Variants in NEK11 observed in about 807,000 individuals in gnomAD.
NEK11 encodes NIMA related kinase 11, also known as serine/threonine-protein kinase Nek11.
NEK11 carries 72 observed loss-of-function variants against 80.7 expected under a neutral mutation model. The observed-to-expected ratio is 0.89, with a 90% CI of 0.74 to 1.08. The LOEUF (loss-of-function observed/expected upper bound fraction) is 1.08, where lower values mean the gene tolerates loss of function less well. NEK11 is among the 50% of genes least tolerant of loss of function. NEK11 has a pLI of 0.00. For missense variants in NEK11, 764 were observed against 763.6 expected, an observed-to-expected ratio of 1.00 and a Z score of -0.01; for synonymous variants, 251 against 260.7, an observed-to-expected ratio of 0.96 and a Z score of 0.36.
chr3:131,287,591 G>A (rs1239975904), intron 17 of NEK11, among the ~76,000 whole-genome samples: 1 of 152,068 alleles, frequency 6.6e-6, no homozygotes, highest in Non-Finnish European at 1.5e-5. Context: ...TTTGTTTCAA[G>A]CCTACTTGTA....
intron 16 of NEK11, among the ~76,000 whole-genome samples, chr3:131,245,801 G>GT (rs2095593473): frequency 6.6e-6 from 1 of 151,712 alleles, no homozygotes; most frequent in African/African-American, 2.4e-5. Flanking sequence ...GTTAGTTGGG[G>GT]TTTTTTTGTT....
intron 17 of NEK11, among the ~76,000 whole-genome samples, chr3:131,293,731 T>A (rs1662757902): frequency 6.6e-6 from 1 of 152,134 alleles, no homozygotes; most frequent in South Asian, 2.1e-4. Context: ...GGCCTGGTGC[T>A]TTCTGATGTG....
chr3:131,085,257 T>C (rs2075821889), intron 4 of NEK11, among the ~76,000 whole-genome samples: 1 of 152,234 alleles, frequency 6.6e-6, no homozygotes, highest in African/African-American at 2.4e-5. Context: ...TATGAATACG[T>C]TGGCAATCTG....
chr3:131,176,121 G>A (rs2093000338), intron 14 of NEK11, among the ~76,000 whole-genome samples: 2 of 152,122 alleles, frequency 1.3e-5, no homozygotes, highest in African/African-American at 2.4e-5. Context: ...GGGTGGAGGT[G>A]CACACATCTG....
At chr3:131,090,510 T>C (rs542084341) in intron 4 of NEK11, among the ~76,000 whole-genome samples, 63 of 152,348 alleles carry the variant, frequency 4.1e-4, no homozygotes, top group African/African-American at 1.5e-3. Flanking sequence ...AAGGACAAAG[T>C]TAAGAAAACA....
intron 17 of NEK11, among the ~76,000 whole-genome samples, chr3:131,311,586 A>G (rs2109424185): frequency 6.6e-6 from 1 of 152,348 alleles, no homozygotes; most frequent in Non-Finnish European, 1.5e-5. Flanking sequence ...TAAATGCAAC[A>G]AAGCAAATAG....
chr3:131,097,945 G>T (rs1277864503), intron 4 of NEK11, among the ~76,000 whole-genome samples: 1 of 144,600 alleles, frequency 6.9e-6, no homozygotes, highest in African/African-American at 2.5e-5. Context: ...CATGGTACTG[G>T]TACCAAAACA....
chr3:131,336,349 G>C (rs948440823), intron 17 of NEK11, among the ~76,000 whole-genome samples: 10 of 152,186 alleles, frequency 6.6e-5, no homozygotes, highest in Non-Finnish European at 4.4e-5. Flanking sequence ...ACAAACCTGA[G>C]AAAAACAAGC....
intron 16 of NEK11, among the ~76,000 whole-genome samples, chr3:131,272,960 TCTG>T (rs1423032941): frequency 6.6e-6 from 1 of 152,242 alleles, no homozygotes; most frequent in Non-Finnish European, 1.5e-5. Flanking sequence ...ACTTTGGCCT[TCTG>T]CTCCATTCTG....
In NEK11 at chr3:131,134,112, C is replaced by G. The variant is rs1344801040; in HGVS notation, c.647+156C>G. 19 of 592,240 alleles carry G rather than the reference C, an allele frequency of 3.2e-5. No homozygotes were observed. The East Asian group carries it at 6.0e-4, about 19-fold the overall frequency. The allele number at this position is 592,240 out of a possible 1,614,324, so 36.7% of individuals were successfully genotyped here. A position where few individuals can be genotyped will look rare whatever the true frequency, so the allele number is the denominator to read the frequency against. On this transcript the variant is annotated intron_variant, in intron 7 of 17. Transcript: ENST00000383366. ...AAAAGAAGGTCTTTTGCATTTAGAA[C>G]TCAATATATTTCATTAAACTAGTTT...
At chr3:131,203,708 A>C (rs1256050759) in intron 14 of NEK11, among the ~76,000 whole-genome samples, 2 of 145,606 alleles carry the variant, frequency 1.4e-5, no homozygotes, top group African/African-American at 5.0e-5. Context: ...GTATATATGT[A>C]TATATGTATA....
chr3:131,036,520 G>A (rs1207626964), intron 3 of NEK11, among the ~76,000 whole-genome samples: 3 of 152,204 alleles, frequency 2.0e-5, no homozygotes, highest in Non-Finnish European at 4.4e-5. Context: ...AATTTTAGCT[G>A]CAATAACTTG....
rs575033422 is a variant in NEK11, at chr3:131,190,845, A to T, written c.1399+19958A>T. Among the ~76,000 whole-genome samples the T allele has an allele frequency of 1.7e-4, 26 of 152,298 alleles. No individual in the cohort carries two copies. The East Asian group carries it at 4.8e-3, about 28-fold the overall frequency. The stretch of plus-strand genomic sequence containing the variant: ...AGAACAAAATATAATTATTGTAAAT[A>T]TTACAACATTTAACAACATAAAAAT... On this transcript the variant is annotated intron_variant, in intron 14 of 17. Coordinates refer to ENST00000383366, the MANE Select transcript of NEK11 (RefSeq NM_024800.5).
chr3:131,069,787 T>G (rs2148904810), intron 3 of NEK11, among the ~76,000 whole-genome samples: 1 of 140,106 alleles, frequency 7.1e-6, no homozygotes, highest in South Asian at 2.3e-4. Flanking sequence ...TGAGATCACA[T>G]GGACACAGGA....
chr3:131,215,215 T>G (rs954670891), intron 14 of NEK11, among the ~76,000 whole-genome samples: 1 of 137,984 alleles, frequency 7.2e-6, no homozygotes, highest in Non-Finnish European at 1.5e-5. Flanking sequence ...TAGGTGGGAA[T>G]TGAACAATGA....
chr3:131,051,040 A>C (rs766882239), intron 3 of NEK11, among the ~76,000 whole-genome samples: 2 of 152,340 alleles, frequency 1.3e-5, no homozygotes, highest in East Asian at 1.9e-4. Context: ...CTCCAAAAAA[A>C]ATTAGTATAA....
intron 4 of NEK11, among the ~76,000 whole-genome samples, chr3:131,092,234 T>G (rs1466157389): frequency 6.6e-6 from 1 of 152,244 alleles, no homozygotes; most frequent in Non-Finnish European, 1.5e-5. Flanking sequence ...GAATGATTCC[T>G]TATGTTCTCT....
At position 131,054,755 on chromosome 3, in the gene NEK11, A is replaced by AATAC. The variant is rs1235929801; in HGVS notation, c.170+24880_170+24881insCATA. The stretch of plus-strand genomic sequence containing the variant: ...CTGGGTGACAGCCTGCCTCTAAATA[A>AATAC]ATAAATAAATAAATAAATAAATAAA... On this transcript the variant is annotated intron_variant, in intron 3 of 17. Coordinates refer to ENST00000383366, the MANE Select transcript of NEK11 (RefSeq NM_024800.5). Among the ~76,000 whole-genome samples the AATAC allele has an allele frequency of 3.3e-5, 4 of 120,226 alleles. No homozygotes were observed. The East Asian group carries it at 8.2e-4, about 25-fold the overall frequency. The allele number at this position is 120,226 out of a possible 152,430, so 78.9% of individuals were successfully genotyped here.
chr3:131,340,996 G>T (rs113435781), intron 17 of NEK11, among the ~76,000 whole-genome samples: 1,557 of 152,212 alleles, frequency 0.01, 21 homozygotes, highest in African/African-American at 0.034. Flanking sequence ...AATAGTTCCT[G>T]CCACCCCATG....
Sources: gnomAD v4.1 joint callset for allele counts (sites outside exome capture counted in the v4.1 genomes callset) on GRCh38, gnomAD v4.1.1 for gene constraint, MANE v1.5 for transcripts, NCBI Gene and HGNC (gene_info 2026-07-23, HGNC 2026-07-21) for gene names.